C13orf42: variants seen among roughly 807,000 people sequenced by gnomAD.
C13orf42 encodes uncharacterized protein C13orf42.
chr13:51,095,753 T>TTATCCAG (rs1417551366), intron 1 of C13orf42, among the ~76,000 whole-genome samples: 3 of 152,180 alleles, frequency 2.0e-5, no homozygotes, highest in Non-Finnish European at 4.4e-5. Flanking sequence ...CATCTGATCT[T>TTATCCAG]GTGTGTTTTC....
intron 1 of C13orf42, among the ~76,000 whole-genome samples, chr13:51,165,251 C>T (rs967796747): frequency 2.6e-5 from 4 of 152,236 alleles, no homozygotes; most frequent in African/African-American, 9.6e-5. Flanking sequence ...TCCCACCAGC[C>T]AGCTCACAAT....
chr13:51,114,776 C>G (rs950425236), upstream of C13orf42, among the ~76,000 whole-genome samples: 1 of 152,068 alleles, frequency 6.6e-6, no homozygotes, highest in Non-Finnish European at 1.5e-5. Flanking sequence ...CTGCAATGTG[C>G]AGATATGTAG....
intron 1 of C13orf42, among the ~76,000 whole-genome samples, chr13:51,171,087 G>A (rs937969397): frequency 1.3e-5 from 2 of 151,812 alleles, no homozygotes; most frequent in African/African-American, 2.4e-5. Flanking sequence ...ACCCTTCTCC[G>A]TGTCTCTTTT....
intron 1 of C13orf42, among the ~76,000 whole-genome samples, chr13:51,092,080 A>G (rs1193340564): frequency 6.6e-6 from 1 of 152,230 alleles, no homozygotes; most frequent in Non-Finnish European, 1.5e-5. Flanking sequence ...CTTACTGTCC[A>G]GGGGACAAAA....
intron 1 of C13orf42, among the ~76,000 whole-genome samples, chr13:51,155,337 G>A (rs540205339): frequency 4.6e-5 from 7 of 152,340 alleles, no homozygotes; most frequent in Admixed American, 2.0e-4. Flanking sequence ...GTAAGTCCAT[G>A]GGGAAAGGGA....
At chr13:51,139,219 G>A (rs1953679472) in intron 1 of C13orf42, among the ~76,000 whole-genome samples, 2 of 152,146 alleles carry the variant, frequency 1.3e-5, no homozygotes, top group South Asian at 4.1e-4. Context: ...GGAGGCTGAG[G>A]CAGGAGAATT....
chr13:51,091,630 T>C (rs1322241404), intron 1 of C13orf42, among the ~76,000 whole-genome samples: 1 of 152,152 alleles, frequency 6.6e-6, no homozygotes, highest in Non-Finnish European at 1.5e-5. Flanking sequence ...AGAATATCTA[T>C]GCTGCCCTTT....
intron 1 of C13orf42, among the ~76,000 whole-genome samples, chr13:51,104,753 T>G (rs545611869): frequency 6.8e-6 from 1 of 146,092 alleles, no homozygotes; most frequent in African/African-American, 2.6e-5. Flanking sequence ...GTTTTATGTA[T>G]GTGAATTAAA....
chr13:51,143,455 A>ATGGTTATAAAAGGTTTTAAAACCT (rs140077276), intron 1 of C13orf42, among the ~76,000 whole-genome samples: 1 of 23,146 alleles, frequency 4.3e-5, no homozygotes, highest in Non-Finnish European at 8.8e-5. Context: ...CAACTCCTTA[A>ATGGTTATAAAAGGTTTTAAAACCT]TAAAGGTTAT....
intron 1 of C13orf42, among the ~76,000 whole-genome samples, chr13:51,156,176 C>T (rs567224264): frequency 1.1e-3 from 161 of 152,188 alleles, no homozygotes; most frequent in African/African-American, 3.7e-3. Flanking sequence ...GCCTAGGATT[C>T]GGGGCTATGT....
intron 1 of C13orf42, among the ~76,000 whole-genome samples, chr13:51,156,956 G>A (rs1953829132): frequency 6.6e-6 from 1 of 152,224 alleles, no homozygotes; most frequent in Admixed American, 6.5e-5. Context: ...ATCCTGCTGA[G>A]CAACAGCACT....
chr13:51,110,612 T>C (rs914717713), intron 1 of C13orf42, among the ~76,000 whole-genome samples, 184 bp downstream of exon 1: 1 of 152,212 alleles, frequency 6.6e-6, no homozygotes, highest in African/African-American at 2.4e-5. Flanking sequence ...GTAATAAACA[T>C]GGGCTTAGCC....
intron 1 of C13orf42, chr13:51,161,824 T>C (rs866745716): frequency 1.0e-5 from 4 of 398,706 alleles, no homozygotes; most frequent in Middle Eastern, 9.3e-4. Context: ...CTGTGAGGGA[T>C]AGAGAAACCT....
intron 1 of C13orf42, among the ~76,000 whole-genome samples, chr13:51,129,531 C>T (rs531983978): frequency 3.6e-4 from 55 of 152,290 alleles, no homozygotes; most frequent in Non-Finnish European, 7.5e-4. Flanking sequence ...GATTCAGTGT[C>T]GGCCACAATG....
At chr13:51,158,747 G>A (rs954123844) in intron 1 of C13orf42, among the ~76,000 whole-genome samples, 1 of 152,158 alleles carries the variant, frequency 6.6e-6, no homozygotes, top group Non-Finnish European at 1.5e-5. Flanking sequence ...AACTACTATT[G>A]ATTTCTGGGG....
chr13:51,112,528 A>C (rs1467101201), upstream of C13orf42, among the ~76,000 whole-genome samples: 1 of 152,134 alleles, frequency 6.6e-6, no homozygotes, highest in African/African-American at 2.4e-5. Flanking sequence ...TTTCCTGTTG[A>C]GGGCATCCTC....
chr13:51,154,242 T>C (rs1232161550), intron 1 of C13orf42, among the ~76,000 whole-genome samples: 5 of 152,236 alleles, frequency 3.3e-5, no homozygotes, highest in Non-Finnish European at 7.3e-5. Flanking sequence ...CATCTGTAGA[T>C]GGACATTTAA....
intron 1 of C13orf42, among the ~76,000 whole-genome samples, chr13:51,127,622 G>A (rs1953587036): frequency 6.6e-6 from 1 of 151,782 alleles, no homozygotes; most frequent in Admixed American, 6.6e-5. Context: ...GGGGGTCTTG[G>A]GTGTCCAATA....
At chr13:51,153,637 T>TC (rs1593554544) in intron 1 of C13orf42, among the ~76,000 whole-genome samples, 1 of 131,636 alleles carries the variant, frequency 7.6e-6, no homozygotes, top group East Asian at 2.2e-4. Flanking sequence ...TTTCTTTTTT[T>TC]TTTTTTTTTT....
Sources: gnomAD v4.1 joint callset for allele counts (sites outside exome capture counted in the v4.1 genomes callset) on GRCh38, gnomAD v4.1.1 for gene constraint, MANE v1.5 for transcripts, NCBI Gene and HGNC (gene_info 2026-07-23, HGNC 2026-07-21) for gene names.